Variants in PPARA observed in about 807,000 individuals in gnomAD.
The protein encoded by PPARA is peroxisome proliferator-activated receptor alpha.
In PPARA, 22 loss-of-function variants were observed where a neutral mutation model predicts 42.2. That is an observed-to-expected ratio of 0.52 (90% CI 0.37 to 0.74). PPARA has a LOEUF of 0.74. PPARA is among the 30% of genes least tolerant of loss of function. The probability of loss-of-function intolerance (pLI) is 0.00; values close to 1 mark genes in which losing one functional copy is unlikely to be tolerated. For synonymous variants in PPARA, 242 were observed against 239.3 expected (o/e 1.01, Z -0.10); for missense variants, 465 against 608.2 (o/e 0.76, Z 2.48).
At position 46,234,144 on chromosome 22, in the gene PPARA, C is replaced by G. The variant is rs1936069080; in HGVS notation, c.1160-989C>G. Among the ~76,000 whole-genome samples the G allele has an allele frequency of 6.6e-6, 1 of 152,088 alleles. No individual in the cohort carries two copies. The highest frequency in any genetic ancestry group is 2.4e-5 in the African/African-American group (1 of 41,410). ...CGGCAATAATTCCTCTCTTTAGAGA[C>G]TTAATAGTTATAGCCCCAGCCACTC... On this transcript the variant is annotated intron_variant, in intron 8 of 8. Transcript: ENST00000407236. This position sits in a 1 kb window ranked among gnomAD's most constrained non-coding sequence, Gnocchi z 5.8.
rs1168599945 is a variant in PPARA at position 46,222,122 on chromosome 22, C to A, written c.711+2108C>A. Among the ~76,000 whole-genome samples the A allele has an allele frequency of 6.6e-6, 1 of 151,876 alleles. No individual in the cohort carries two copies. Among genetic ancestry groups the A allele is most frequent in the East Asian group, 1.9e-4 (1 of 5,186 alleles). The stretch of plus-strand genomic sequence containing the variant: ...AGAAAGGACCACTTGTTATAGAAAG[C>A]CTGTCTTTTAAGGTAGCTCTGGACC... On this transcript the variant is annotated intron_variant, in intron 7 of 8. Transcript: ENST00000407236. This position sits in a 1 kb window ranked among gnomAD's most constrained non-coding sequence, Gnocchi z 5.9.
In PPARA at chr22:46,235,209, G is replaced by A. The variant is rs972704898; in HGVS notation, c.1236G>A (p.Leu412=). 6.2e-7 allele frequency: 1 copy of A among 1,614,086 alleles called. No homozygotes were observed. The highest frequency in any genetic ancestry group is 1.7e-5 in the Admixed American group (1 of 60,008). ...TTGTACATGTGCTCAGACTCCACCT[G>A]CAGAGCAACCACCCGGACGATATCT... is the stretch of plus-strand genomic sequence containing the variant. The part of the protein sequence containing the change: ...EGIVHVLRLH[L]QSNHPDDIFL... Residue 412 remains leucine, a synonymous_variant, in exon 9 of 9, where the codon CTG becomes CTA. Coordinates refer to ENST00000407236, the MANE Select transcript of PPARA (RefSeq NM_005036.6). This position sits in a 1 kb window ranked among gnomAD's most constrained non-coding sequence, Gnocchi z 7.0.
At chr22:46,207,860 T>C (rs1933544749) in intron 4 of PPARA, among the ~76,000 whole-genome samples, 2 of 151,212 alleles carry the variant, frequency 1.3e-5, no homozygotes, top group South Asian at 4.2e-4. Context: ...ATTTTAAAAA[T>C]TTTTTGTAGA....
Position 46,187,838 on chromosome 22 carries a change from C to T in PPARA, c.-42-10504C>T, listed in dbSNP as rs1444995856. Among the ~76,000 whole-genome samples the T allele has an allele frequency of 6.6e-6, 1 of 152,196 alleles. No individual in the cohort carries two copies. Among genetic ancestry groups the T allele is most frequent in the Non-Finnish European group, 1.5e-5 (1 of 68,040 alleles). ...CATCAAGAGGTAGAGTTTATTTCCC[C>T]ACCTCTTGGATCTGGCTTGCCTTGT... On this transcript the variant is annotated intron_variant, in intron 3 of 8. Transcript: ENST00000407236. The surrounding 1 kb of genome is among the most constrained non-coding windows in gnomAD (Gnocchi z 4.9).
At chr22:46,169,485 C>T (rs1044409964) in intron 2 of PPARA, among the ~76,000 whole-genome samples, 2 of 151,790 alleles carry the variant, frequency 1.3e-5, no homozygotes, top group African/African-American at 2.4e-5. Context: ...CTGCCCGCCT[C>T]GGCCTCCCAA....
At chr22:46,158,524 T>C (rs762752598) in intron 2 of PPARA, among the ~76,000 whole-genome samples, 1 of 152,268 alleles carries the variant, frequency 6.6e-6, no homozygotes, top group African/African-American at 2.4e-5. Context: ...CACGTGGATA[T>C]GTCCCTTTCT....
intron 4 of PPARA, among the ~76,000 whole-genome samples, chr22:46,207,896 G>A (rs1334267019): frequency 1.3e-5 from 2 of 150,874 alleles, no homozygotes; most frequent in Non-Finnish European, 2.9e-5. Flanking sequence ...TGTTGACCAG[G>A]CTCCTCTCGA....
In PPARA at chr22:46,165,442, T is replaced by A. The variant is rs563636915; in HGVS notation, c.-126-11311T>A. Reference sequence around the variant, plus strand: ...AGGAATTGGAGAGTTTACAAGATAGTGAAGAACTGCCAGGCCATGGTCTGG... The same window carrying A: ...AGGAATTGGAGAGTTTACAAGATAGAGAAGAACTGCCAGGCCATGGTCTGG... On this transcript the variant is annotated intron_variant, in intron 2 of 8. Transcript: ENST00000407236. The surrounding 1 kb of genome is among the most constrained non-coding windows in gnomAD (Gnocchi z 5.5). The A allele has an allele frequency of 1.3e-5, 2 of 152,250 alleles. No individual in the cohort carries two copies. 9.4% of individuals were successfully genotyped at this position (152,250 alleles called of 1,614,324 possible). A position where few individuals can be genotyped will look rare whatever the true frequency, so the allele number is the denominator to read the frequency against.
rs1660707335 is a variant in PPARA, at chr22:46,182,689, A to G, written c.-43+5853A>G. Among the ~76,000 whole-genome samples the G allele has an allele frequency of 1.3e-5, 2 of 152,146 alleles. No homozygotes were observed. Among genetic ancestry groups the G allele is most frequent in the Non-Finnish European group, 2.9e-5 (2 of 68,032 alleles). On this transcript the variant is annotated intron_variant, in intron 3 of 8. Coordinates refer to ENST00000407236, the MANE Select transcript of PPARA (RefSeq NM_005036.6). This position sits in a 1 kb window ranked among gnomAD's most constrained non-coding sequence, Gnocchi z 5.2. ...AATACCAAATTTGTACACTTTAAAT[A>G]TGTACAGATTATTGTATGCCAGTTA...
chr22:46,218,106 C>T (rs564065029), intron 5 of PPARA, among the ~76,000 whole-genome samples, 157 bp from the exon 6 acceptor site: 3 of 152,136 alleles, frequency 2.0e-5, no homozygotes, highest in African/African-American at 7.2e-5. Flanking sequence ...GCTGGGATTA[C>T]AGGCATGATC....
rs887336307 is a variant in PPARA at position 46,187,203 on chromosome 22, G to A, written c.-43+10367G>A. ...GCATCATCATTGCTTCTCAGAAGAG[G>A]AGACCTGGCTTACAGAGGTCAAGCC... On this transcript the variant is annotated intron_variant, in intron 3 of 8. Transcript: ENST00000407236. This position sits in a 1 kb window ranked among gnomAD's most constrained non-coding sequence, Gnocchi z 4.9. Among the ~76,000 whole-genome samples the A allele has an allele frequency of 6.6e-6, 1 of 152,190 alleles. No homozygotes were observed. The highest frequency in any genetic ancestry group is 2.4e-5 in the African/African-American group (1 of 41,438).
At chr22:46,197,386 C>T (rs73460653) in intron 3 of PPARA, among the ~76,000 whole-genome samples, 2,821 of 152,240 alleles carry the variant, frequency 0.019, 90 homozygotes, top group African/African-American at 0.064. Flanking sequence ...GTCCCCAGCA[C>T]CTCAAACATA....
At chr22:46,177,604 A>G (rs1929345172) in intron 3 of PPARA, among the ~76,000 whole-genome samples, 1 of 152,178 alleles carries the variant, frequency 6.6e-6, no homozygotes, top group Non-Finnish European at 1.5e-5. Flanking sequence ...GAAGAGAGAG[A>G]GGTATATCAG....
intron 2 of PPARA, chr22:46,155,302 G>C (rs1031040867): frequency 6.6e-6 from 1 of 152,008 alleles, no homozygotes; most frequent in African/African-American, 2.4e-5. Context: ...GCCTGGCATA[G>C]AGTCCATTTT....
At position 46,191,461 on chromosome 22, in the gene PPARA, T is replaced by C. The variant is rs1931531523; in HGVS notation, c.-42-6881T>C. On this transcript the variant is annotated intron_variant, in intron 3 of 8. Transcript: ENST00000407236. This position sits in a 1 kb window ranked among gnomAD's most constrained non-coding sequence, Gnocchi z 4.6. ...GGAAGGGAGTGGAACTGATAATCTGTTCCTCCCTATTGTGTTCAGTATGGT... is the reference window on the plus strand; with the variant it reads ...GGAAGGGAGTGGAACTGATAATCTGCTCCTCCCTATTGTGTTCAGTATGGT... Among the ~76,000 whole-genome samples the C allele has an allele frequency of 6.6e-6, 1 of 151,974 alleles. No individual in the cohort carries two copies. Among genetic ancestry groups the C allele is most frequent in the Non-Finnish European group, 1.5e-5 (1 of 67,994 alleles).
rs1032478540 is a variant in PPARA, at chr22:46,203,624, G to A, written c.208+5033G>A. Among the ~76,000 whole-genome samples the A allele has an allele frequency of 1.3e-5, 2 of 152,184 alleles. No homozygotes were observed. The highest frequency in any genetic ancestry group is 2.9e-5 in the Non-Finnish European group (2 of 68,028). ...TGAAGGGTGAGGAGAGCAGTATTGG[G>A]CGAAAAGGAAAAAAGAAAAAAACTC... On this transcript the variant is annotated intron_variant, in intron 4 of 8. Transcript: ENST00000407236. This position sits in a 1 kb window ranked among gnomAD's most constrained non-coding sequence, Gnocchi z 5.8.
chr22:46,158,906 T>G (rs1925721757), intron 2 of PPARA, among the ~76,000 whole-genome samples: 1 of 152,144 alleles, frequency 6.6e-6, no homozygotes, highest in Non-Finnish European at 1.5e-5. Context: ...TCGGGGGTGT[T>G]GAGGCTGGAG....
rs1932612469 is a variant in PPARA, at chr22:46,198,592, G to A, written c.208+1G>A. 1.9e-6 allele frequency: 3 copies of A among 1,612,724 alleles called. No individual in the cohort carries two copies. The highest frequency in any genetic ancestry group is 2.5e-6 in the Non-Finnish European group (3 of 1,179,238). ...GGCTCAGATGGCTCGGTCATCACGG[G>A]TAAGTGTGCCGTTTCCTAGAAAGTT... is the stretch of plus-strand genomic sequence containing the variant. On this transcript the variant is annotated splice_donor_variant, in intron 4 of 8. Transcript: ENST00000407236. LOFTEE classifies it high-confidence loss of function.
intron 3 of PPARA, 63 bp from the exon 4 acceptor site, chr22:46,198,279 T>C: frequency 1.6e-6 from 1 of 643,924 alleles, no homozygotes; most frequent in East Asian, 3.1e-5. Flanking sequence ...TAATAAAAAA[T>C]AAAAACAAAC....
Sources: gnomAD v4.1 joint callset for allele counts (sites outside exome capture counted in the v4.1 genomes callset) on GRCh38, gnomAD v4.1.1 for gene constraint, Gnocchi (gnomAD v3.1) non-coding constraint, MANE v1.5 for transcripts, NCBI Gene and HGNC (gene_info 2026-07-23, HGNC 2026-07-21) for gene names.